The following ZNF804A variants were observed in gnomAD, a reference collection of about 807,000 sequenced individuals.
ZNF804A encodes the protein zinc finger protein 804A.
Under a neutral mutation model 16.5 loss-of-function variants are expected in ZNF804A, and 2 were observed. The ratio of observed to expected loss-of-function variants is 0.12; its 90% CI spans 0.05 to 0.38. The LOEUF is 0.38. Among genes scored for constraint, ZNF804A ranks in the 10% least tolerant of loss-of-function variants. The probability of loss-of-function intolerance (pLI) is 0.99; values close to 1 mark genes in which losing one functional copy is unlikely to be tolerated. For synonymous variants in ZNF804A, 534 were observed against 489.6 expected, an observed-to-expected ratio of 1.09 and a Z score of -1.20; for missense variants, 1,473 against 1,390.7, an observed-to-expected ratio of 1.06 and a Z score of -0.94.
Position 184,705,908 on chromosome 2 carries a change from G to A in ZNF804A, c.111+106838G>A, listed in dbSNP as rs192251378. 3.4e-3 allele frequency among the ~76,000 whole-genome samples: 510 copies of A among 152,162 alleles called. 2 individuals are homozygous for A. Among genetic ancestry groups the A allele is most frequent in the Middle Eastern group, 0.01 (3 of 294 alleles). On this transcript the variant is annotated intron_variant, in intron 1 of 3. Coordinates refer to ENST00000302277, the MANE Select transcript of ZNF804A (RefSeq NM_194250.2). ...CATTACCTCTACCTCTGCTACCATG[G>A]CACCTTTTTTTATGAGCCATGGATC...
At chr2:184,850,186 T>C (rs753030306) in intron 1 of ZNF804A, among the ~76,000 whole-genome samples, 1 of 151,804 alleles carries the variant, frequency 6.6e-6, no homozygotes, top group Non-Finnish European at 1.5e-5. Context: ...CCAGCAATAA[T>C]TTACTGTATG....
At chr2:184,772,691 C>A (rs1166625397) in intron 1 of ZNF804A, among the ~76,000 whole-genome samples, 1 of 151,642 alleles carries the variant, frequency 6.6e-6, no homozygotes, top group Admixed American at 6.6e-5. Context: ...CCAAGGAATT[C>A]TCAGACTGCT....
intron 1 of ZNF804A, among the ~76,000 whole-genome samples, chr2:184,698,739 C>T (rs912795644): frequency 8.6e-5 from 13 of 152,040 alleles, no homozygotes; most frequent in Non-Finnish European, 1.3e-4. Context: ...ATGAAACTTT[C>T]AGAGTTGGCT....
intron 1 of ZNF804A, among the ~76,000 whole-genome samples, chr2:184,852,869 A>T (rs1695627896): frequency 6.6e-6 from 1 of 151,718 alleles, no homozygotes; most frequent in Non-Finnish European, 1.5e-5. Flanking sequence ...TTTGAAATTA[A>T]TTAGTGTGAT....
chr2:184,605,346 C>T (rs1487228756), intron 1 of ZNF804A, among the ~76,000 whole-genome samples: 2 of 152,082 alleles, frequency 1.3e-5, no homozygotes, highest in African/African-American at 2.4e-5. Context: ...GTGTTAGTTT[C>T]TCTTCCTAAA....
At chr2:184,830,980 T>C (rs1172039496) in intron 1 of ZNF804A, among the ~76,000 whole-genome samples, 1 of 152,092 alleles carries the variant, frequency 6.6e-6, no homozygotes, top group African/African-American at 2.4e-5. Flanking sequence ...AGCAAAAATA[T>C]AGTTATTGTG....
intron 2 of ZNF804A, among the ~76,000 whole-genome samples, chr2:184,924,031 G>C (rs1685572316): frequency 1.3e-5 from 2 of 151,606 alleles, no homozygotes; most frequent in South Asian, 4.2e-4. Context: ...GTGTGTGTGT[G>C]TGTATGTTTT....
At chr2:184,794,993 T>A (rs192644101) in intron 1 of ZNF804A, among the ~76,000 whole-genome samples, 2 of 152,256 alleles carry the variant, frequency 1.3e-5, no homozygotes, top group East Asian at 3.9e-4. Flanking sequence ...AGTACTCCAC[T>A]GACAGCCCTA....
chr2:184,617,181 A>T (rs1293391912), intron 1 of ZNF804A, among the ~76,000 whole-genome samples: 1 of 152,158 alleles, frequency 6.6e-6, no homozygotes, highest in Non-Finnish European at 1.5e-5. Flanking sequence ...ACATCTACAG[A>T]ATGGGTGGAA....
intron 2 of ZNF804A, among the ~76,000 whole-genome samples, chr2:184,926,066 G>A (rs548675397): frequency 6.6e-6 from 1 of 152,080 alleles, no homozygotes; most frequent in East Asian, 1.9e-4. Context: ...AGTGTTACAT[G>A]TTTTTCTGTG....
At chr2:184,607,936 CTTTTTTTTTTTT>C (rs34262998) in intron 1 of ZNF804A, among the ~76,000 whole-genome samples, 2 of 65,654 alleles carry the variant, frequency 3.0e-5, no homozygotes, top group Non-Finnish European at 5.2e-5. Context: ...TGATGCATCT[CTTTTTTTTTTTT>C]TTTTTTTTTT....
chr2:184,728,844 A>C (rs936981244), intron 1 of ZNF804A, among the ~76,000 whole-genome samples: 2 of 151,932 alleles, frequency 1.3e-5, no homozygotes, highest in African/African-American at 4.8e-5. Context: ...TACACAATAC[A>C]ATACTATTTG....
At chr2:184,898,464 A>G (rs1685124385) in intron 2 of ZNF804A, among the ~76,000 whole-genome samples, 1 of 152,086 alleles carries the variant, frequency 6.6e-6, no homozygotes, top group African/African-American at 2.4e-5. Flanking sequence ...CGTTATCTAT[A>G]TTCACTGCCT....
At chr2:184,915,190 T>C (rs1559001371) in intron 2 of ZNF804A, among the ~76,000 whole-genome samples, 1 of 152,018 alleles carries the variant, frequency 6.6e-6, no homozygotes, top group Non-Finnish European at 1.5e-5. Flanking sequence ...AGAAATATAA[T>C]TAACATCTTG....
chr2:184,605,383 T>G (rs970615507), intron 1 of ZNF804A, among the ~76,000 whole-genome samples: 3 of 152,146 alleles, frequency 2.0e-5, no homozygotes, highest in African/African-American at 7.2e-5. Flanking sequence ...ATTTGATCTG[T>G]TTTATCTCAT....
intron 1 of ZNF804A, among the ~76,000 whole-genome samples, chr2:184,682,327 A>G (rs1429608340): frequency 6.6e-6 from 1 of 152,226 alleles, no homozygotes; most frequent in Admixed American, 6.5e-5. Context: ...GTTATGGTTG[A>G]GTATTGATAA....
At chr2:184,765,388 C>A (rs1043263363) in intron 1 of ZNF804A, among the ~76,000 whole-genome samples, 2 of 152,096 alleles carry the variant, frequency 1.3e-5, no homozygotes, top group African/African-American at 4.8e-5. Context: ...AAATGAAATC[C>A]ACAGGCAGAC....
At chr2:184,843,235 T>A (rs543318152) in intron 1 of ZNF804A, among the ~76,000 whole-genome samples, 86 of 152,194 alleles carry the variant, frequency 5.7e-4, no homozygotes, top group African/African-American at 2.0e-3. Context: ...CCATCAACAC[T>A]TTTTTTAAAG....
At position 184,937,981 on chromosome 2, in the gene ZNF804A, T is replaced by C. The variant is rs373409985; in HGVS notation, c.2585T>C (p.Val862Ala). The change falls in exon 4 of 4, where the codon GTT becomes GCT. Residue 862 changes from valine to alanine, a missense_variant. Transcript: ENST00000302277. Reference protein sequence around the residue: ...DKKEKMKPQEVAKIERNSEQT... With the variant: ...DKKEKMKPQEAAKIERNSEQT... ...AAAGAGAAAATGAAACCACAAGAAG[T>C]TGCAAAAATCGAAAGGAACTCAGAA... 62 of 1,613,880 alleles carry C rather than the reference T, an allele frequency of 3.8e-5. No individual in the cohort carries two copies. The highest frequency in any genetic ancestry group is 5.1e-5 in the Non-Finnish European group (60 of 1,180,006).
Sources: gnomAD v4.1 joint callset for allele counts (sites outside exome capture counted in the v4.1 genomes callset) on GRCh38, gnomAD v4.1.1 for gene constraint, MANE v1.5 for transcripts, NCBI Gene and HGNC (gene_info 2026-07-23, HGNC 2026-07-21) for gene names.